DOLPP1: variants seen among roughly 807,000 people sequenced by gnomAD.
DOLPP1 encodes the protein dolichyldiphosphatase 1, also known as dolichyl pyrophosphate phosphatase 1.
In DOLPP1, 15 loss-of-function variants were observed where a neutral mutation model predicts 34.1. The observed-to-expected ratio is 0.44, with a 90% CI of 0.29 to 0.68. The LOEUF is 0.68. Among genes scored for constraint, DOLPP1 ranks in the 30% least tolerant of loss-of-function variants. The probability of loss-of-function intolerance (pLI) is 0.12; values close to 1 mark genes in which losing one functional copy is unlikely to be tolerated. For synonymous variants in DOLPP1, 130 were observed against 128.2 expected, an observed-to-expected ratio of 1.01 and a Z score of -0.10; for missense variants, 249 against 307.1, an observed-to-expected ratio of 0.81 and a Z score of 1.41.
chr9:129,083,092 G>A (rs531520937), intron 1 of DOLPP1, among the ~76,000 whole-genome samples: 27 of 152,320 alleles, frequency 1.8e-4, no homozygotes, highest in African/African-American at 6.3e-4. Context: ...TTGGTCCTTG[G>A]AACTGGAGCA....
Position 129,085,406 on chromosome 9 carries a change from G to A in DOLPP1, c.362+100G>A. On this transcript the variant is annotated intron_variant, in intron 4 of 7. Transcript: ENST00000372546. This position sits in a 1 kb window ranked among gnomAD's most constrained non-coding sequence, Gnocchi z 7.0. ...TTTGGATGCCCCTGGGGTGGGAGGG[G>A]CTGCAGCGGAGGCAGAAGGTACCCA... The A allele has an allele frequency of 6.6e-7, 1 of 1,512,778 alleles. No individual in the cohort carries two copies. The highest frequency in any genetic ancestry group is 9.2e-7 in the Non-Finnish European group (1 of 1,091,640). The allele number at this position is 1,512,778 out of a possible 1,614,324, so 93.7% of individuals were successfully genotyped here. A position where few individuals can be genotyped will look rare whatever the true frequency, so the allele number is the denominator to read the frequency against.
At chr9:129,083,559 G>A (rs1309411689) in intron 1 of DOLPP1, among the ~76,000 whole-genome samples, 1 of 152,206 alleles carries the variant, frequency 6.6e-6, no homozygotes, top group African/African-American at 2.4e-5. Flanking sequence ...TATGTCTTCA[G>A]CCCTGGAATC....
rs1025531787 is a variant in DOLPP1 at position 129,081,363 on chromosome 9, C to T, written c.76+156C>T. Among the ~76,000 whole-genome samples, 4 of 152,228 alleles carry T rather than the reference C, an allele frequency of 2.6e-5. No individual in the cohort carries two copies. In the South Asian group the frequency reaches 8.3e-4, roughly 32 times the overall value. On this transcript the variant is annotated intron_variant, in intron 1 of 7. Transcript: ENST00000372546. Reference sequence around the variant, plus strand: ...GGAGGGGCTCGGCCGGCGCGCGCGCCGCGCAGGCGCAGTGGTGCGAGGATG... The same window carrying T: ...GGAGGGGCTCGGCCGGCGCGCGCGCTGCGCAGGCGCAGTGGTGCGAGGATG...
At chr9:129,084,606 G>A in intron 1 of DOLPP1, 62 bp from the exon 2 acceptor site, 1 of 1,205,280 alleles carries the variant, frequency 8.3e-7, no homozygotes, top group Non-Finnish European at 1.2e-6. Flanking sequence ...TACTTGTAGG[G>A]GGCTGGTCCC....
rs776126031 is a variant in DOLPP1 at position 129,081,252 on chromosome 9, C to T, written c.76+45C>T. ...CCAAGGACGCCTTCCCAGGGACGGC[C>T]TCTCAGTCCCGGGCGCTCCGGCCTG... On this transcript the variant is annotated intron_variant, in intron 1 of 7. Transcript: ENST00000372546. 4 of 1,599,398 alleles carry T rather than the reference C, an allele frequency of 2.5e-6. No individual in the cohort carries two copies. The South Asian group carries it at 4.4e-5, about 18-fold the overall frequency.
intron 2 of DOLPP1, 100 bp downstream of exon 2, chr9:129,084,868 C>T (rs942864971): frequency 3.9e-4 from 481 of 1,245,636 alleles, no homozygotes; most frequent in Non-Finnish European, 3.8e-4. Flanking sequence ...CTCATCCCTG[C>T]GTCCACCTGT....
intron 1 of DOLPP1, 108 bp from the exon 2 acceptor site, chr9:129,084,560 C>A (rs1846948456): frequency 1.2e-6 from 1 of 864,242 alleles, no homozygotes; most frequent in Non-Finnish European, 2.0e-6. Context: ...CTCCATTCTC[C>A]AGGCCCTGCC....
At position 129,086,233 on chromosome 9, in the gene DOLPP1, G is replaced by T. The variant is rs758659469; in HGVS notation, c.556G>T (p.Val186Phe). The change falls in exon 6 of 8, where the codon GTC (valine) becomes TTC (phenylalanine). Residue 186 changes from valine to phenylalanine, a missense_variant. Coordinates refer to ENST00000372546, the MANE Select transcript of DOLPP1 (RefSeq NM_020438.5). ...CGCCTGGTTCATCTTCACCCAGGAG[G>T]TCCTCACCCCGCTGTTCCCCAGGAT... ...AIAWFIFTQE[V>F]LTPLFPRIAA... 1.2e-5 allele frequency: 20 copies of T among 1,613,494 alleles called. No individual in the cohort carries two copies. Among genetic ancestry groups the T allele is most frequent in the Non-Finnish European group, 1.5e-5 (18 of 1,179,978 alleles).
At position 129,090,277 on chromosome 9, in the gene DOLPP1, G is replaced by A. The variant is rs896531811; in HGVS notation, c.*1270G>A. The A allele has an allele frequency of 7.2e-5, 11 of 152,558 alleles. No homozygotes were observed. Among genetic ancestry groups the A allele is most frequent in the Non-Finnish European group, 1.2e-4 (8 of 68,034 alleles). The allele number at this position is 152,558 out of a possible 1,614,324, so 9.5% of individuals were successfully genotyped here. A position where few individuals can be genotyped will look rare whatever the true frequency, so the allele number is the denominator to read the frequency against. On this transcript the variant is annotated 3_prime_UTR_variant, in exon 8 of 8. Coordinates refer to ENST00000372546, the MANE Select transcript of DOLPP1 (RefSeq NM_020438.5). ...AAGCCATTCCAGATGCCAAGACCAG[G>A]GGCTTATTTCTAGGGAAGGTAGGTC...
At chr9:129,084,868 C>G in intron 2 of DOLPP1, 100 bp downstream of exon 2, 1 of 1,245,754 alleles carries the variant, frequency 8.0e-7, no homozygotes, top group Non-Finnish European at 1.2e-6. Flanking sequence ...CTCATCCCTG[C>G]GTCCACCTGT....
intron 2 of DOLPP1, 86 bp downstream of exon 2, chr9:129,084,854 G>A (rs894027303): frequency 8.4e-7 from 1 of 1,197,060 alleles, no homozygotes; most frequent in South Asian, 1.3e-5. Flanking sequence ...CTCAGTCCAG[G>A]GTTCTCATCC....
chr9:129,084,853 G>C, intron 2 of DOLPP1, 85 bp downstream of exon 2: 1 of 1,044,028 alleles, frequency 9.6e-7, no homozygotes. Flanking sequence ...CCTCAGTCCA[G>C]GGTTCTCATC....
chr9:129,086,665 C>A (rs762895428), intron 6 of DOLPP1, 44 bp from the exon 7 acceptor site: 2 of 1,576,420 alleles, frequency 1.3e-6, no homozygotes, highest in Non-Finnish European at 1.7e-6. Context: ...GTAACAGACT[C>A]ATGCCCTGAT....
At chr9:129,081,842 G>A (rs952618323) in intron 1 of DOLPP1, among the ~76,000 whole-genome samples, 1 of 152,188 alleles carries the variant, frequency 6.6e-6, no homozygotes, top group Non-Finnish European at 1.5e-5. Flanking sequence ...CATTAGCGGC[G>A]TTCTGGAGGC....
intron 1 of DOLPP1, 81 bp downstream of exon 1, chr9:129,081,288 C>T (rs1846882195): frequency 1.9e-6 from 3 of 1,542,824 alleles, no homozygotes; most frequent in South Asian, 1.1e-5. Context: ...CTCGAGCCCG[C>T]GGAGGGGGCG....
At chr9:129,081,327 T>G in intron 1 of DOLPP1, 120 bp downstream of exon 1, 1 of 1,263,958 alleles carries the variant, frequency 7.9e-7, no homozygotes, top group Non-Finnish European at 1.1e-6. Flanking sequence ...AACTGTCAAA[T>G]AGTGAACCAC....
intron 1 of DOLPP1, among the ~76,000 whole-genome samples, chr9:129,082,165 C>T (rs1298974599): frequency 6.6e-6 from 1 of 152,190 alleles, no homozygotes. Context: ...CTCATTGAGC[C>T]CTGGTTGCCT....
chr9:129,086,996 AGATAGTGGGTGGGG>A (rs1481859016), intron 7 of DOLPP1, among the ~76,000 whole-genome samples, 198 bp downstream of exon 7: 3 of 152,236 alleles, frequency 2.0e-5, no homozygotes, highest in Non-Finnish European at 2.9e-5. Flanking sequence ...GAGATCTTGC[AGATAGTGGGTGGGG>A]GAGCAGGGTG....
intron 1 of DOLPP1, among the ~76,000 whole-genome samples, chr9:129,081,994 C>G (rs1270110795): frequency 6.6e-6 from 1 of 152,236 alleles, no homozygotes; most frequent in Admixed American, 6.5e-5. Context: ...TGCTTACCTT[C>G]TGGTGATGGT....
Sources: allele counts gnomAD v4.1 joint callset (sites outside exome capture counted in the v4.1 genomes callset), GRCh38; gene constraint gnomAD v4.1.1; non-coding constraint Gnocchi (gnomAD v3.1); transcripts MANE v1.5; gene names NCBI Gene and HGNC (gene_info 2026-07-23, HGNC 2026-07-21).